Variants in VSTM2L observed in about 807,000 individuals in gnomAD.
The protein encoded by VSTM2L is V-set and transmembrane domain-containing protein 2-like protein.
VSTM2L carries 9 observed loss-of-function variants against 19.9 expected under a neutral mutation model. That is an observed-to-expected ratio of 0.45 (90% CI 0.27 to 0.79). The LOEUF (loss-of-function observed/expected upper bound fraction) is 0.79. Ranked by LOEUF, VSTM2L falls within the 30% of genes least tolerant of loss-of-function variation. VSTM2L has a pLI of 0.15. For missense variants in VSTM2L, 286 were observed against 295.5 expected, an observed-to-expected ratio of 0.97 and a Z score of 0.24; for synonymous variants, 127 against 133.8, an observed-to-expected ratio of 0.95 and a Z score of 0.35.
chr20:37,928,495 C>T (rs2072890792), intron 1 of VSTM2L, among the ~76,000 whole-genome samples: 1 of 152,238 alleles, frequency 6.6e-6, no homozygotes, highest in Non-Finnish European at 1.5e-5. Flanking sequence ...TATACCTTAC[C>T]TGTAATCTCA....
chr20:37,911,127 C>T (rs956349575), intron 1 of VSTM2L, among the ~76,000 whole-genome samples: 10 of 148,668 alleles, frequency 6.7e-5, no homozygotes, highest in African/African-American at 2.5e-4. Context: ...AAAAATTAGC[C>T]GGGCATGGTG....
chr20:37,903,204 G>T lies in VSTM2L; in HGVS notation c.-147G>T. ...GGCCGGAGCCGGGCGAGGGCTGGGAGCTGGGCCGGGTCCGGGGACAGCGGG... is the reference window on the plus strand; with the variant it reads ...GGCCGGAGCCGGGCGAGGGCTGGGATCTGGGCCGGGTCCGGGGACAGCGGG... On this transcript the variant is annotated 5_prime_UTR_variant, in exon 1 of 4. Coordinates refer to ENST00000373461, the MANE Select transcript of VSTM2L (RefSeq NM_080607.3). The T allele has an allele frequency of 9.3e-7, 1 of 1,076,044 alleles. No homozygotes were observed. The highest frequency in any genetic ancestry group is 3.5e-4 in the Middle Eastern group (1 of 2,830). 66.7% of individuals were successfully genotyped at this position (1,076,044 alleles called of 1,614,324 possible). A position where few individuals can be genotyped will look rare whatever the true frequency, so the allele number is the denominator to read the frequency against.
At chr20:37,922,406 A>G (rs1002564556) in intron 1 of VSTM2L, among the ~76,000 whole-genome samples, 8 of 152,112 alleles carry the variant, frequency 5.3e-5, no homozygotes, top group East Asian at 3.9e-4. Flanking sequence ...TACTCCATTC[A>G]TCACTGGAGG....
chr20:37,944,320 A>G lies in VSTM2L; in HGVS notation c.*67A>G, dbSNP rs2072994864. The G allele has an allele frequency of 1.5e-6, 2 of 1,340,202 alleles. No homozygotes were observed. Among genetic ancestry groups the G allele is most frequent in the Middle Eastern group, 2.8e-4 (1 of 3,578 alleles). 83.0% of individuals were successfully genotyped at this position (1,340,202 alleles called of 1,614,324 possible). A position where few individuals can be genotyped will look rare whatever the true frequency, so the allele number is the denominator to read the frequency against. On this transcript the variant is annotated 3_prime_UTR_variant, in exon 4 of 4. Coordinates refer to ENST00000373461, the MANE Select transcript of VSTM2L (RefSeq NM_080607.3). ...AGAGTGCATGAGGAGCCGCCGGACCACCGGGGACCGACTGCCTGCGTCCAG... is the reference window on the plus strand; with the variant it reads ...AGAGTGCATGAGGAGCCGCCGGACCGCCGGGGACCGACTGCCTGCGTCCAG...
At chr20:37,934,334 G>A (rs879715788) in intron 3 of VSTM2L, among the ~76,000 whole-genome samples, 2 of 152,222 alleles carry the variant, frequency 1.3e-5, no homozygotes, top group Admixed American at 1.3e-4. Flanking sequence ...GGTGAACTGG[G>A]GAGAGAACAT....
intron 3 of VSTM2L, among the ~76,000 whole-genome samples, chr20:37,940,775 T>C (rs986323234): frequency 6.6e-6 from 1 of 152,194 alleles, no homozygotes; most frequent in Non-Finnish European, 1.5e-5. Flanking sequence ...CTTAGAATTA[T>C]GGTGTAAGGC....
At chr20:37,933,710 A>G (rs1353697506) in intron 3 of VSTM2L, 121 bp downstream of exon 3, 4 of 980,048 alleles carry the variant, frequency 4.1e-6, no homozygotes, top group Non-Finnish European at 6.0e-6. Context: ...GAAGAAAAAG[A>G]GAAGGGAAAA....
rs1334697197 is a variant in VSTM2L at position 37,903,148 on chromosome 20, G to C, written c.-203G>C. ...TCCCGCAGTCGGAGGCGGCCGGCTG[G>C]GCGTGCGCTCGCTCCCCGAAGCCGG... is the stretch of plus-strand genomic sequence containing the variant. On this transcript the variant is annotated 5_prime_UTR_variant, in exon 1 of 4. Transcript: ENST00000373461. 3 of 599,470 alleles carry C rather than the reference G, an allele frequency of 5.0e-6. No individual in the cohort carries two copies. The African/African-American group carries it at 5.9e-5, about 12-fold the overall frequency. 37.1% of individuals were successfully genotyped at this position (599,470 alleles called of 1,614,324 possible). A position where few individuals can be genotyped will look rare whatever the true frequency, so the allele number is the denominator to read the frequency against.
chr20:37,904,326 C>T (rs565581234), intron 1 of VSTM2L, among the ~76,000 whole-genome samples: 42 of 152,334 alleles, frequency 2.8e-4, no homozygotes, highest in Non-Finnish European at 5.1e-4. Flanking sequence ...CCATAGGGTA[C>T]CCCCATCCTC....
chr20:37,933,703 G>A, intron 3 of VSTM2L, 114 bp downstream of exon 3: 1 of 1,030,314 alleles, frequency 9.7e-7, no homozygotes, highest in Non-Finnish European at 1.4e-6. Context: ...TGGAAGAGAA[G>A]AAAAAGAGAA....
In VSTM2L at chr20:37,914,333, G is replaced by T. The variant is rs965434122; in HGVS notation, c.121+10862G>T. On this transcript the variant is annotated intron_variant, in intron 1 of 3. Coordinates refer to ENST00000373461, the MANE Select transcript of VSTM2L (RefSeq NM_080607.3). ...ATCTGTGTGTATGTGTGTGGGGTAT[G>T]GGTGTATGTGTGCATGTGTGTGGGG... Among the ~76,000 whole-genome samples, 9 of 6,674 alleles carry T rather than the reference G, an allele frequency of 1.3e-3. No individual in the cohort carries two copies. In the East Asian group the frequency reaches 0.037, roughly 28 times the overall value. 4.4% of individuals were successfully genotyped at this position (6,674 alleles called of 152,430 possible).
chr20:37,924,007 C>A (rs1433555094), intron 1 of VSTM2L, among the ~76,000 whole-genome samples: 1 of 152,090 alleles, frequency 6.6e-6, no homozygotes, highest in Non-Finnish European at 1.5e-5. Context: ...GAGGCTGAGG[C>A]AGAAGGATTG....
At chr20:37,917,734 T>G (rs1036025413) in intron 1 of VSTM2L, among the ~76,000 whole-genome samples, 6 of 152,200 alleles carry the variant, frequency 3.9e-5, no homozygotes, top group Non-Finnish European at 7.3e-5. Flanking sequence ...ACACCAGCAC[T>G]TCCTGTGGGT....
chr20:37,924,335 C>A (rs544208410), intron 1 of VSTM2L, among the ~76,000 whole-genome samples: 297 of 152,094 alleles, frequency 2.0e-3, no homozygotes, highest in Middle Eastern at 3.4e-3. Flanking sequence ...GGCGGATCAC[C>A]TGAGGTCAGG....
At position 37,944,466 on chromosome 20, in the gene VSTM2L, G is replaced by A. The variant is rs372862835; in HGVS notation, c.*213G>A. On this transcript the variant is annotated 3_prime_UTR_variant, in exon 4 of 4. Coordinates refer to ENST00000373461, the MANE Select transcript of VSTM2L (RefSeq NM_080607.3). ...TCAGACCCCTGCGGTGACCTGGCTC[G>A]GAGAAGGTGGCCCTGGGCACCAAGG... 25 of 1,253,700 alleles carry A rather than the reference G, an allele frequency of 2.0e-5. No homozygotes were observed. Among genetic ancestry groups the A allele is most frequent in the African/African-American group, 3.2e-5 (2 of 63,472 alleles). The allele number at this position is 1,253,700 out of a possible 1,614,324, so 77.7% of individuals were successfully genotyped here.
chr20:37,912,814 T>A (rs2072788033), intron 1 of VSTM2L, among the ~76,000 whole-genome samples: 1 of 152,120 alleles, frequency 6.6e-6, no homozygotes, highest in Non-Finnish European at 1.5e-5. Flanking sequence ...TCTGGATCTC[T>A]CTCTCTCCCT....
chr20:37,940,054 G>T (rs943157341), intron 3 of VSTM2L, among the ~76,000 whole-genome samples: 3 of 151,412 alleles, frequency 2.0e-5, no homozygotes, highest in Non-Finnish European at 4.4e-5. Flanking sequence ...CTCGCTTGGT[G>T]CTCCCTCCCT....
rs2072967732 is a variant in VSTM2L at position 37,940,785 on chromosome 20, C to G, written c.343-3196C>G. Among the ~76,000 whole-genome samples, 3 of 152,304 alleles carry G rather than the reference C, an allele frequency of 2.0e-5. No homozygotes were observed. The Middle Eastern group carries it at 0.01, about 518-fold the overall frequency. ...GAAAACTTAGAATTATGGTGTAAGG[C>G]TAAAGGGAAGCAAGGCATGTCTTAC... On this transcript the variant is annotated intron_variant, in intron 3 of 3. Transcript: ENST00000373461.
intron 1 of VSTM2L, among the ~76,000 whole-genome samples, chr20:37,909,835 T>C (rs2072770056): frequency 6.6e-6 from 1 of 152,156 alleles, no homozygotes; most frequent in Non-Finnish European, 1.5e-5. Context: ...GGGGAAGAAA[T>C]CTGCTCCTCT....
Sources: allele counts gnomAD v4.1 joint callset (sites outside exome capture counted in the v4.1 genomes callset), GRCh38; gene constraint gnomAD v4.1.1; transcripts MANE v1.5; gene names NCBI Gene and HGNC (gene_info 2026-07-23, HGNC 2026-07-21).